The following TRAF5 variants were observed in gnomAD, a reference collection of about 807,000 sequenced individuals.
The protein encoded by TRAF5 is TNF receptor associated factor 5, also known as TNF receptor-associated factor 5.
In TRAF5, 48 loss-of-function variants were observed where a neutral mutation model predicts 64.5. That is an observed-to-expected ratio of 0.74 (90% CI 0.59 to 0.95). TRAF5 has a LOEUF of 0.95. Ranked by LOEUF, TRAF5 falls within the 40% of genes least tolerant of loss-of-function variation. TRAF5 has a pLI of 0.00. For synonymous variants in TRAF5, 206 were observed against 240.5 expected (o/e 0.86, Z 1.33); for missense variants, 545 against 662.8 (o/e 0.82, Z 1.95).
intron 1 of TRAF5, among the ~76,000 whole-genome samples, chr1:211,338,912 G>A (rs1294205880): frequency 1.3e-5 from 2 of 152,200 alleles, no homozygotes. Context: ...AGATGAGGAA[G>A]GGGTGACACA....
chr1:211,357,973 A>G (rs748747128), intron 4 of TRAF5: 4 of 152,208 alleles, frequency 2.6e-5, no homozygotes, highest in African/African-American at 7.2e-5. Flanking sequence ...TATAGACAAT[A>G]TGTGAAGGAA....
chr1:211,348,365 C>G (rs1392717320), intron 1 of TRAF5, among the ~76,000 whole-genome samples: 1 of 152,068 alleles, frequency 6.6e-6, no homozygotes, highest in African/African-American at 2.4e-5. Context: ...ATTTGACTCT[C>G]AAGTATGGTA....
chr1:211,353,567 G>A (rs1702866253), intron 2 of TRAF5, 110 bp downstream of exon 2: 3 of 1,074,044 alleles, frequency 2.8e-6, no homozygotes, highest in Non-Finnish European at 4.1e-6. Context: ...CTTGGCCACA[G>A]AACCATGACT....
rs1703466969 is a variant in TRAF5, at chr1:211,369,837, T to TGC, written c.930+247_930+248dup. ...CCCGACGTGTATGTGTGTGTGTGTG[T>TGC]GCGTGTGCATGTGTGTGCACGTGCT... On this transcript the variant is annotated intron_variant, in intron 9 of 10. Transcript: ENST00000261464. Among the ~76,000 whole-genome samples the TGC allele has an allele frequency of 2.6e-5, 4 of 152,170 alleles. 1 individual carries two copies. In the South Asian group the frequency reaches 8.3e-4, roughly 32 times the overall value.
intron 10 of TRAF5, among the ~76,000 whole-genome samples, chr1:211,371,729 C>T (rs1703530053): frequency 6.6e-6 from 1 of 152,074 alleles, no homozygotes; most frequent in Non-Finnish European, 1.5e-5. Context: ...GGATTGATGA[C>T]TTTAAAGAAG....
intron 1 of TRAF5, among the ~76,000 whole-genome samples, chr1:211,341,057 G>T (rs1702436587): frequency 6.6e-6 from 1 of 152,238 alleles, no homozygotes; most frequent in African/African-American, 2.4e-5. Flanking sequence ...GGAGAGAAGT[G>T]TGAGTCTGAG....
At chr1:211,347,099 T>C (rs974399243) in intron 1 of TRAF5, among the ~76,000 whole-genome samples, 5 of 152,164 alleles carry the variant, frequency 3.3e-5, no homozygotes, top group Non-Finnish European at 7.4e-5. Flanking sequence ...ATGTTTTTTT[T>C]TTCCTGACTT....
intron 7 of TRAF5, 111 bp from the exon 8 acceptor site, chr1:211,365,265 C>A: frequency 2.3e-6 from 2 of 867,546 alleles, no homozygotes; most frequent in African/African-American, 1.7e-5. Context: ...CGTGTTTAAA[C>A]TATTAAAGTA....
intron 9 of TRAF5, 149 bp from the exon 10 acceptor site, chr1:211,371,153 C>G: frequency 1.4e-6 from 1 of 728,454 alleles, no homozygotes; most frequent in East Asian, 3.0e-5. Context: ...CTCTGTGATC[C>G]TCATTGAATT....
chr1:211,339,947 A>G (rs1572058618), intron 1 of TRAF5, among the ~76,000 whole-genome samples: 2 of 152,228 alleles, frequency 1.3e-5, no homozygotes, highest in African/African-American at 4.8e-5. Context: ...ACACAAAGTC[A>G]GCTGTGGATG....
chr1:211,367,739 G>T (rs1405395960), intron 8 of TRAF5, among the ~76,000 whole-genome samples: 1 of 152,170 alleles, frequency 6.6e-6, no homozygotes, highest in Non-Finnish European at 1.5e-5. Flanking sequence ...CAGGCAGGTA[G>T]GTGGAAGTCA....
At chr1:211,359,052 T>A (rs1427664247) in intron 4 of TRAF5, 2 of 151,860 alleles carry the variant, frequency 1.3e-5, no homozygotes, top group African/African-American at 4.8e-5. Flanking sequence ...ACTCAACTGA[T>A]CCTCCCACCT....
chr1:211,347,397 T>A (rs1702644875), intron 1 of TRAF5, among the ~76,000 whole-genome samples: 1 of 152,242 alleles, frequency 6.6e-6, no homozygotes, highest in Non-Finnish European at 1.5e-5. Context: ...ATCACAGCTC[T>A]GTTTATATAC....
chr1:211,345,882 T>A (rs1359771010), intron 1 of TRAF5, among the ~76,000 whole-genome samples: 2 of 152,136 alleles, frequency 1.3e-5, no homozygotes, highest in Non-Finnish European at 2.9e-5. Flanking sequence ...TCCCAGTGCC[T>A]CTCATTGGCT....
intron 4 of TRAF5, chr1:211,358,373 G>A (rs552313475): frequency 6.6e-6 from 1 of 152,274 alleles, no homozygotes; most frequent in Non-Finnish European, 1.5e-5. Flanking sequence ...CTACTTGGGA[G>A]GCTGAGGCAG....
intron 8 of TRAF5, among the ~76,000 whole-genome samples, chr1:211,366,829 G>A (rs1703370342): frequency 6.6e-6 from 1 of 152,162 alleles, no homozygotes. Flanking sequence ...TTTGAACACT[G>A]CATTCAATTA....
chr1:211,357,649 G>T (rs1211474469), intron 4 of TRAF5: 1 of 151,744 alleles, frequency 6.6e-6, no homozygotes, highest in Non-Finnish European at 1.5e-5. Flanking sequence ...TTTGATGAAT[G>T]TTGACTGTTT....
intron 1 of TRAF5, 142 bp from the exon 2 acceptor site, chr1:211,353,097 C>T (rs1461634525): frequency 2.4e-6 from 2 of 842,984 alleles, no homozygotes; most frequent in Admixed American, 2.2e-5. Context: ...AGGAGGTTGT[C>T]ACTGTTGTTT....
At chr1:211,328,736 G>A (rs1426770772) in intron 1 of TRAF5, among the ~76,000 whole-genome samples, 1 of 152,182 alleles carries the variant, frequency 6.6e-6, no homozygotes, top group Non-Finnish European at 1.5e-5. Context: ...AGCTTTACTG[G>A]GGAGGACCTT....
Sources: gnomAD v4.1 joint callset for allele counts (sites outside exome capture counted in the v4.1 genomes callset) on GRCh38, gnomAD v4.1.1 for gene constraint, MANE v1.5 for transcripts, NCBI Gene and HGNC (gene_info 2026-07-23, HGNC 2026-07-21) for gene names.